CNTNAP2: variants seen among roughly 807,000 people sequenced by gnomAD.
The protein encoded by CNTNAP2 is contactin-associated protein-like 2.
CNTNAP2 carries 98 observed loss-of-function variants against 155.2 expected under a neutral mutation model. That is an observed-to-expected ratio of 0.63 (90% CI 0.54 to 0.75). The LOEUF is 0.75. Ranked by LOEUF, CNTNAP2 falls within the 30% of genes least tolerant of loss-of-function variation. CNTNAP2 has a pLI of 0.00. For synonymous variants in CNTNAP2, 651 were observed against 631.2 expected (o/e 1.03, Z -0.47); for missense variants, 1,727 against 1,688.1 (o/e 1.02, Z -0.40).
chr7:147,624,425 AAT>A lies in CNTNAP2; in HGVS notation c.1898-14678_1898-14677del, dbSNP rs1794931377. 3.3e-5 allele frequency among the ~76,000 whole-genome samples: 5 copies of A among 152,238 alleles called. No homozygotes were observed. In the South Asian group the frequency reaches 1.0e-3, roughly 32 times the overall value. On this transcript the variant is annotated intron_variant, in intron 12 of 23. Coordinates refer to ENST00000361727, the MANE Select transcript of CNTNAP2 (RefSeq NM_014141.6). ...AATAACTCTATAGGAAAATTTTAAT[AAT>A]ATGTTTCAATAATTGGCCAAAGACT... is the stretch of plus-strand genomic sequence containing the variant.
chr7:146,302,365 A>C (rs1584857249), intron 1 of CNTNAP2, among the ~76,000 whole-genome samples: 1 of 152,130 alleles, frequency 6.6e-6, no homozygotes, highest in Admixed American at 6.6e-5. Flanking sequence ...AAGTTAGTCA[A>C]AATGGTTTAT....
intron 1 of CNTNAP2, among the ~76,000 whole-genome samples, chr7:146,662,057 G>A (rs920774729): frequency 6.6e-6 from 1 of 151,778 alleles, no homozygotes; most frequent in Admixed American, 6.6e-5. Context: ...CAATGATGCC[G>A]AACATTTTTC....
At chr7:148,042,250 A>G (rs1390780601) in intron 15 of CNTNAP2, among the ~76,000 whole-genome samples, 1 of 152,250 alleles carries the variant, frequency 6.6e-6, no homozygotes, top group Non-Finnish European at 1.5e-5. Context: ...GTTTACGTGC[A>G]TCTGGTCTCC....
chr7:146,980,968 C>A (rs144529211), intron 3 of CNTNAP2, among the ~76,000 whole-genome samples: 63 of 152,196 alleles, frequency 4.1e-4, no homozygotes, highest in African/African-American at 1.4e-3. Flanking sequence ...ACCCCTTAGC[C>A]TAGAAATTAT....
intron 1 of CNTNAP2, among the ~76,000 whole-genome samples, chr7:146,148,870 G>A (rs34038575): frequency 0.28 from 42,633 of 151,916 alleles, 6,637 homozygotes; most frequent in African/African-American, 0.41. Flanking sequence ...TTGTGTCCAT[G>A]TTTTCTACAA....
intron 1 of CNTNAP2, among the ~76,000 whole-genome samples, chr7:146,445,288 T>C (rs1191680011): frequency 6.6e-6 from 1 of 152,216 alleles, no homozygotes; most frequent in Non-Finnish European, 1.5e-5. Flanking sequence ...AAATCAAGTA[T>C]CATAGATTGA....
At chr7:147,128,890 T>A (rs2129284449) in intron 7 of CNTNAP2, 54 bp downstream of exon 7, 1 of 1,609,006 alleles carries the variant, frequency 6.2e-7, no homozygotes, top group Non-Finnish European at 8.5e-7. Context: ...GTAACATTTT[T>A]GTTTTTTGGA....
chr7:147,777,498 C>T (rs1214621977), intron 13 of CNTNAP2, among the ~76,000 whole-genome samples: 1 of 152,200 alleles, frequency 6.6e-6, no homozygotes, highest in Non-Finnish European at 1.5e-5. Context: ...CCCGGTTCCC[C>T]TGTTGAGGCC....
intron 13 of CNTNAP2, among the ~76,000 whole-genome samples, chr7:147,739,776 T>TATC (rs1796925044): frequency 6.6e-6 from 1 of 152,140 alleles, no homozygotes; most frequent in African/African-American, 2.4e-5. Flanking sequence ...GTATCATCAA[T>TATC]ATCATCAATG....
chr7:146,871,693 A>G (rs1457632510), intron 3 of CNTNAP2, among the ~76,000 whole-genome samples: 6 of 152,098 alleles, frequency 3.9e-5, no homozygotes, highest in Admixed American at 3.3e-4. Context: ...TAATATTTGC[A>G]ATAAAATATA....
At chr7:146,879,079 GGAATGAAATATA>G (rs1237071991) in intron 3 of CNTNAP2, among the ~76,000 whole-genome samples, 8 of 152,146 alleles carry the variant, frequency 5.3e-5, no homozygotes, top group African/African-American at 1.9e-4. Flanking sequence ...AAGTATGTGT[GGAATGAAATATA>G]ATGGAAAGCA....
Position 146,472,119 on chromosome 7 carries a change from A to C in CNTNAP2, c.98-302152A>C, listed in dbSNP as rs10262695. Among the ~76,000 whole-genome samples, 819 of 152,300 alleles carry C rather than the reference A, an allele frequency of 5.4e-3. 9 individuals are homozygous for C. The highest frequency in any genetic ancestry group is 0.018 in the African/African-American group (766 of 41,568). On this transcript the variant is annotated intron_variant, in intron 1 of 23. Coordinates refer to ENST00000361727, the MANE Select transcript of CNTNAP2 (RefSeq NM_014141.6). The stretch of plus-strand genomic sequence containing the variant: ...CGTCATTCTGCAAATGCACCGTTAC[A>C]TAGGCCACTGTTCTGTATGGTGTTT...
rs553749355 is a variant in CNTNAP2, at chr7:146,518,167, C to T, written c.98-256104C>T. 9.2e-5 allele frequency among the ~76,000 whole-genome samples: 14 copies of T among 151,778 alleles called. No homozygotes were observed. The South Asian group carries it at 2.3e-3, about 25-fold the overall frequency. On this transcript the variant is annotated intron_variant, in intron 1 of 23. Transcript: ENST00000361727. ...TAATATATGAAAAGCATTCTGTATG[C>T]AGTTCCAATATATATTCAAGTTACC...
chr7:147,396,989 A>T (rs1472462755), intron 10 of CNTNAP2, among the ~76,000 whole-genome samples: 2 of 152,080 alleles, frequency 1.3e-5, no homozygotes, highest in African/African-American at 4.8e-5. Flanking sequence ...AATTTTACAA[A>T]CATATAAAAT....
chr7:146,945,499 A>C (rs1797148378), intron 3 of CNTNAP2, among the ~76,000 whole-genome samples: 1 of 152,154 alleles, frequency 6.6e-6, no homozygotes, highest in African/African-American at 2.4e-5. Flanking sequence ...GAGAGAGGAG[A>C]AGGGGAGGAG....
At chr7:147,298,457 A>G (rs1168361872) in intron 8 of CNTNAP2, among the ~76,000 whole-genome samples, 1 of 151,980 alleles carries the variant, frequency 6.6e-6, no homozygotes, top group Non-Finnish European at 1.5e-5. Context: ...AAGTATTACT[A>G]AATTAAAATT....
intron 1 of CNTNAP2, among the ~76,000 whole-genome samples, chr7:146,485,571 T>G (rs146203758): frequency 6.6e-6 from 1 of 152,188 alleles, no homozygotes; most frequent in East Asian, 1.9e-4. Context: ...GCTTACTTTT[T>G]TGAAAGATGC....
intron 15 of CNTNAP2, among the ~76,000 whole-genome samples, chr7:148,038,623 A>C (rs531034578): frequency 6.6e-6 from 1 of 152,318 alleles, no homozygotes; most frequent in African/African-American, 2.4e-5. Context: ...TCAAGAGTTT[A>C]GTCTACCCCT....
intron 9 of CNTNAP2, among the ~76,000 whole-genome samples, chr7:147,368,896 T>C (rs1328604962): frequency 6.6e-6 from 1 of 152,210 alleles, no homozygotes; most frequent in Non-Finnish European, 1.5e-5. Context: ...TAGATCATAG[T>C]TCCTTTCCTT....
Sources: gnomAD v4.1 joint callset for allele counts (sites outside exome capture counted in the v4.1 genomes callset) on GRCh38, gnomAD v4.1.1 for gene constraint, MANE v1.5 for transcripts, NCBI Gene and HGNC (gene_info 2026-07-23, HGNC 2026-07-21) for gene names.